Variants in GFPT1 observed in about 807,000 individuals in gnomAD.
The protein encoded by GFPT1 is glutamine--fructose-6-phosphate aminotransferase [isomerizing] 1.
A neutral mutation model predicts 92.0 loss-of-function variants in GFPT1; 40 were observed. The observed-to-expected ratio is 0.43, with a 90% confidence interval of 0.34 to 0.57. The LOEUF is 0.57. Ranked by LOEUF, GFPT1 falls within the 20% of genes least tolerant of loss-of-function variation. GFPT1 has a pLI of 0.02. For missense variants in GFPT1, 448 were observed against 869.1 expected, an observed-to-expected ratio of 0.52 and a Z score of 6.09; for synonymous variants, 269 against 280.6, an observed-to-expected ratio of 0.96 and a Z score of 0.41.
chr2:69,330,009 G>A (rs1670621960), intron 15 of GFPT1, among the ~76,000 whole-genome samples: 1 of 152,084 alleles, frequency 6.6e-6, no homozygotes, highest in Non-Finnish European at 1.5e-5. Flanking sequence ...CTTGAGCTTA[G>A]GAGTTCGAGA....
At chr2:69,339,471 T>C (rs537015034) in intron 13 of GFPT1, among the ~76,000 whole-genome samples, 2 of 152,336 alleles carry the variant, frequency 1.3e-5, no homozygotes, top group East Asian at 1.9e-4. Context: ...ATTTCCATTC[T>C]AATTATTTTT....
At chr2:69,352,163 TG>T (rs1373314633) in intron 9 of GFPT1, among the ~76,000 whole-genome samples, 2 of 152,044 alleles carry the variant, frequency 1.3e-5, no homozygotes, top group African/African-American at 4.8e-5. Context: ...TTCCGGAGGC[TG>T]AGGTGGGAGA....
At chr2:69,340,659 G>A (rs1317219177) in intron 13 of GFPT1, among the ~76,000 whole-genome samples, 1 of 151,920 alleles carries the variant, frequency 6.6e-6, no homozygotes, top group Non-Finnish European at 1.5e-5. Context: ...AAAAAAACAT[G>A]TAAATGTGTC....
intron 12 of GFPT1, among the ~76,000 whole-genome samples, chr2:69,342,620 G>T (rs912676120): frequency 6.6e-6 from 1 of 152,186 alleles, no homozygotes; most frequent in Non-Finnish European, 1.5e-5. Context: ...TGGAGGAGGG[G>T]TTGACAACAA....
At chr2:69,385,214 T>G (rs1045827443) in intron 1 of GFPT1, among the ~76,000 whole-genome samples, 12 of 152,256 alleles carry the variant, frequency 7.9e-5, no homozygotes, top group African/African-American at 2.9e-4. Flanking sequence ...ATATCTGATT[T>G]ATTTATTTAT....
chr2:69,353,192 T>G (rs1375161659), intron 9 of GFPT1, among the ~76,000 whole-genome samples: 1 of 152,028 alleles, frequency 6.6e-6, no homozygotes, highest in African/African-American at 2.4e-5. Flanking sequence ...CTCCAGGAGT[T>G]CAAGAACAGC....
At chr2:69,386,207 T>G (rs746980752) in intron 1 of GFPT1, among the ~76,000 whole-genome samples, 2 of 151,616 alleles carry the variant, frequency 1.3e-5, no homozygotes, top group African/African-American at 2.4e-5. Flanking sequence ...TAGGTCATAA[T>G]AAACGACTCT....
chr2:69,340,004 A>C (rs771525766), intron 13 of GFPT1, among the ~76,000 whole-genome samples: 2 of 152,124 alleles, frequency 1.3e-5, no homozygotes, highest in Non-Finnish European at 2.9e-5. Context: ...TATTCTTCAA[A>C]ATAAAAAGAT....
intron 17 of GFPT1, 141 bp from the exon 18 acceptor site, chr2:69,328,579 T>A: frequency 1.6e-6 from 1 of 631,312 alleles, no homozygotes; most frequent in Non-Finnish European, 2.8e-6. Context: ...TATAAATATA[T>A]CTAACAAGTT....
At chr2:69,355,131 G>A (rs1671306377) in intron 7 of GFPT1, among the ~76,000 whole-genome samples, 1 of 152,190 alleles carries the variant, frequency 6.6e-6, no homozygotes, top group Non-Finnish European at 1.5e-5. Context: ...AGGCTAGAGT[G>A]CAGTGGCGCA....
chr2:69,366,930 T>C (rs1671626086), intron 3 of GFPT1, among the ~76,000 whole-genome samples: 1 of 152,182 alleles, frequency 6.6e-6, no homozygotes, highest in African/African-American at 2.4e-5. Context: ...ACTTCAAACA[T>C]ATTTAAATTT....
At chr2:69,372,216 A>G (rs192104596) in intron 2 of GFPT1, among the ~76,000 whole-genome samples, 4,030 of 151,052 alleles carry the variant, frequency 0.027, 179 homozygotes, top group East Asian at 0.18. Context: ...AAAAAAAAAA[A>G]AAGAAGATTG....
intron 14 of GFPT1, 113 bp downstream of exon 14, chr2:69,338,329 TTCG>T: frequency 1.1e-6 from 1 of 879,190 alleles, no homozygotes; most frequent in East Asian, 2.6e-5. Flanking sequence ...TAAATCTGTA[TTCG>T]TCAAGTCATC....
At chr2:69,342,063 T>C (rs1670966482) in intron 13 of GFPT1, 89 bp downstream of exon 13, 2 of 703,912 alleles carry the variant, frequency 2.8e-6, no homozygotes, top group Non-Finnish European at 4.8e-6. Flanking sequence ...TAACAAAACA[T>C]AGTTTTACAC....
chr2:69,328,155 C>CTGTA lies in GFPT1; in HGVS notation c.1893+112_1893+115dup, dbSNP rs1386204538. On this transcript the variant is annotated intron_variant, in intron 18 of 19. Transcript: ENST00000357308. ...ATTCCTCACATGTAAACCTCAAAGGCTGTATTCCAAAGTAAATGAGTTAAC... is the reference window on the plus strand; with the variant it reads ...ATTCCTCACATGTAAACCTCAAAGGCTGTATGTATTCCAAAGTAAATGAGTTAAC... 1.8e-5 allele frequency: 14 copies of CTGTA among 790,494 alleles called. No homozygotes were observed. The African/African-American group carries it at 2.4e-4, about 13-fold the overall frequency. The allele number at this position is 790,494 out of a possible 1,614,324, so 49.0% of individuals were successfully genotyped here.
chr2:69,359,672 G>A (rs996237225), intron 4 of GFPT1, among the ~76,000 whole-genome samples: 18 of 152,160 alleles, frequency 1.2e-4, no homozygotes, highest in African/African-American at 4.3e-4. Context: ...TGCCTCATTT[G>A]CAAAATGAGA....
chr2:69,350,455 G>A (rs1383772658), intron 9 of GFPT1, among the ~76,000 whole-genome samples: 1 of 151,664 alleles, frequency 6.6e-6, no homozygotes, highest in Non-Finnish European at 1.5e-5. Flanking sequence ...TATTTTCCAG[G>A]TAAAAGACAA....
chr2:69,386,553 T>G (rs1438395160), intron 1 of GFPT1, among the ~76,000 whole-genome samples: 1 of 152,224 alleles, frequency 6.6e-6, no homozygotes, highest in Non-Finnish European at 1.5e-5. Context: ...GCAGGAAGTA[T>G]CACGTTTAAT....
intron 15 of GFPT1, among the ~76,000 whole-genome samples, chr2:69,333,906 C>G (rs1262475843): frequency 6.6e-6 from 1 of 152,154 alleles, no homozygotes; most frequent in Non-Finnish European, 1.5e-5. Context: ...GCCTGTAATC[C>G]CAGCACTTTG....
Sources: allele counts gnomAD v4.1 joint callset (sites outside exome capture counted in the v4.1 genomes callset), GRCh38; gene constraint gnomAD v4.1.1; transcripts MANE v1.5; gene names NCBI Gene and HGNC (gene_info 2026-07-23, HGNC 2026-07-21).